CDH12: variants seen among roughly 807,000 people sequenced by gnomAD.
CDH12 encodes cadherin 12, also known as cadherin-12.
CDH12 carries 41 observed loss-of-function variants against 74.1 expected under a neutral mutation model. That is an observed-to-expected ratio of 0.55 (90% CI 0.43 to 0.72). CDH12 has a LOEUF of 0.72. Ranked by LOEUF, CDH12 falls within the 30% of genes least tolerant of loss-of-function variation. The pLI is 0.00. For missense variants in CDH12, 945 were observed against 977.2 expected, an observed-to-expected ratio of 0.97 and a Z score of 0.44; for synonymous variants, 399 against 355.0, an observed-to-expected ratio of 1.12 and a Z score of -1.39.
chr5:22,816,562 T>A (rs565510589), intron 1 of CDH12, among the ~76,000 whole-genome samples: 19 of 152,298 alleles, frequency 1.2e-4, no homozygotes, highest in African/African-American at 4.6e-4. Flanking sequence ...ACTAAGCCAA[T>A]TTAGCTACCA....
chr5:21,932,883 T>G, intron 6 of CDH12, among the ~76,000 whole-genome samples: 1 of 150,810 alleles, frequency 6.6e-6, no homozygotes, highest in Non-Finnish European at 1.5e-5. Context: ...ACATGTACAT[T>G]GCCATCATGT....
In CDH12 at chr5:21,783,461, G is replaced by A. The variant is rs1002872908; in HGVS notation, c.1290C>T (p.Ser430=). 6.2e-7 allele frequency: 1 copy of A among 1,606,770 alleles called. No individual in the cohort carries two copies. Among genetic ancestry groups the A allele is most frequent in the African/African-American group, 1.3e-5 (1 of 74,864 alleles). ...CTTCATTTCCATCTATTGTAAAGTA[G>A]CTGTCCCCATCACTCTTCCAATCTA... The part of the protein sequence containing the change: ...YFIDWKSDGD[S]YFTIDGNEGT... The change falls in exon 11 of 15, where the codon AGC becomes AGT. Residue 430 remains serine, a synonymous_variant. Coordinates refer to ENST00000382254, the MANE Select transcript of CDH12 (RefSeq NM_004061.5).
At chr5:22,678,561 AG>A (rs1180693026) in intron 1 of CDH12, among the ~76,000 whole-genome samples, 1 of 152,134 alleles carries the variant, frequency 6.6e-6, no homozygotes. Context: ...TGGTGCTGGA[AG>A]AATTAAAATT....
chr5:22,666,037 C>T (rs183257436), intron 1 of CDH12, among the ~76,000 whole-genome samples: 7 of 152,182 alleles, frequency 4.6e-5, no homozygotes, highest in Admixed American at 4.6e-4. Flanking sequence ...ATTCCTACTC[C>T]GATGTCTTAA....
chr5:21,842,005 T>TA (rs34987918), intron 8 of CDH12, among the ~76,000 whole-genome samples, 156 bp downstream of exon 8: 13,896 of 141,910 alleles, frequency 0.098, 1,079 homozygotes, highest in African/African-American at 0.23. Flanking sequence ...ACTTAAAGTA[T>TA]AAAAAAAAAA....
At chr5:22,753,540 G>A (rs1367352939) in intron 1 of CDH12, among the ~76,000 whole-genome samples, 2 of 146,812 alleles carry the variant, frequency 1.4e-5, no homozygotes. Context: ...ATTCTCAGCC[G>A]TGAGGATCTA....
intron 6 of CDH12, among the ~76,000 whole-genome samples, chr5:21,936,568 T>C (rs1010135965): frequency 6.6e-6 from 1 of 152,168 alleles, no homozygotes; most frequent in Non-Finnish European, 1.5e-5. Flanking sequence ...ATAAGCACTG[T>C]CATAGAGGTA....
At chr5:21,855,065 G>T (rs1003835934) in intron 6 of CDH12, among the ~76,000 whole-genome samples, 5 of 151,672 alleles carry the variant, frequency 3.3e-5, no homozygotes, top group African/African-American at 1.2e-4. Flanking sequence ...TACCTTTATT[G>T]ATTGGCACAC....
At chr5:22,365,853 A>G (rs903554571) in intron 3 of CDH12, among the ~76,000 whole-genome samples, 2 of 152,246 alleles carry the variant, frequency 1.3e-5, no homozygotes, top group African/African-American at 4.8e-5. Flanking sequence ...AGAAAAAAGA[A>G]CAGAGGCAGA....
chr5:21,960,558 T>G (rs1043305095), intron 6 of CDH12, among the ~76,000 whole-genome samples: 1 of 152,160 alleles, frequency 6.6e-6, no homozygotes, highest in Non-Finnish European at 1.5e-5. Context: ...ACCGTTCCCT[T>G]GTATCTCTAA....
chr5:22,388,803 C>T (rs1580596211), intron 3 of CDH12, among the ~76,000 whole-genome samples: 1 of 152,114 alleles, frequency 6.6e-6, no homozygotes, highest in African/African-American at 2.4e-5. Context: ...TCTGATAACT[C>T]TTAAATGCAA....
chr5:22,334,215 A>T (rs1046826453), intron 3 of CDH12, among the ~76,000 whole-genome samples: 2 of 152,088 alleles, frequency 1.3e-5, no homozygotes, highest in African/African-American at 4.8e-5. Flanking sequence ...AAGCAATCTA[A>T]AAAAAAGAAA....
intron 1 of CDH12, among the ~76,000 whole-genome samples, chr5:22,534,718 A>G (rs951211342): frequency 3.3e-5 from 5 of 152,240 alleles, no homozygotes; most frequent in South Asian, 2.1e-4. Flanking sequence ...CCAGGACTCA[A>G]TGGAACAGAA....
At chr5:22,746,085 GA>G (rs139481958) in intron 1 of CDH12, among the ~76,000 whole-genome samples, 2,426 of 151,970 alleles carry the variant, frequency 0.016, 56 homozygotes, top group African/African-American at 0.054. Flanking sequence ...TCTGTCAATT[GA>G]AAAAAATATT....
At chr5:22,350,065 T>C (rs1740295355) in intron 3 of CDH12, among the ~76,000 whole-genome samples, 1 of 152,216 alleles carries the variant, frequency 6.6e-6, no homozygotes, top group Admixed American at 6.5e-5. Flanking sequence ...GTTCTCTATT[T>C]AGTTGAAATA....
intron 1 of CDH12, among the ~76,000 whole-genome samples, chr5:22,790,269 A>G (rs962357077): frequency 6.6e-6 from 1 of 152,178 alleles, no homozygotes; most frequent in Admixed American, 6.5e-5. Context: ...TGCCAAGTTA[A>G]GGTGGCCTAG....
At chr5:21,966,004 C>A in intron 6 of CDH12, among the ~76,000 whole-genome samples, 1 of 151,998 alleles carries the variant, frequency 6.6e-6, no homozygotes, top group Non-Finnish European at 1.5e-5. Context: ...CATTGAAAGA[C>A]TGTGTTTAAG....
intron 4 of CDH12, among the ~76,000 whole-genome samples, chr5:22,142,058 T>C (rs1469636213): frequency 3.3e-5 from 5 of 152,138 alleles, no homozygotes; most frequent in African/African-American, 9.7e-5. Flanking sequence ...GGTGTTGCTA[T>C]AAACTGGAAC....
intron 10 of CDH12, among the ~76,000 whole-genome samples, chr5:21,790,588 T>A (rs1363037893): frequency 6.6e-6 from 1 of 152,118 alleles, no homozygotes. Context: ...ATATCTATTC[T>A]CCTTATGTTC....
Sources: gnomAD v4.1 joint callset for allele counts (sites outside exome capture counted in the v4.1 genomes callset) on GRCh38, gnomAD v4.1.1 for gene constraint, MANE v1.5 for transcripts, NCBI Gene and HGNC (gene_info 2026-07-23, HGNC 2026-07-21) for gene names.